Variants in SLC25A21 observed in about 807,000 individuals in gnomAD.
The protein encoded by SLC25A21 is mitochondrial 2-oxodicarboxylate carrier.
SLC25A21 carries 47 observed loss-of-function variants against 43.8 expected under a neutral mutation model. The ratio of observed to expected loss-of-function variants is 1.07; its 90% CI spans 0.85 to 1.37. The LOEUF (loss-of-function observed/expected upper bound fraction) is 1.37. Among genes scored for constraint, SLC25A21 ranks in the 40% most tolerant of loss-of-function variants. The pLI, the probability that SLC25A21 is intolerant of heterozygous loss-of-function variation, is 0.00. For synonymous variants in SLC25A21, 131 were observed against 121.3 expected (o/e 1.08, Z -0.52); for missense variants, 352 against 350.2 (o/e 1.00, Z -0.04).
intron 1 of SLC25A21, among the ~76,000 whole-genome samples, chr14:37,104,886 T>C (rs1362578134): frequency 2.0e-5 from 3 of 152,234 alleles, no homozygotes; most frequent in African/African-American, 7.2e-5. Flanking sequence ...CATTTATCTG[T>C]GATCTCTTGC....
chr14:36,936,175 A>G (rs1259887616), intron 1 of SLC25A21, among the ~76,000 whole-genome samples: 2 of 152,190 alleles, frequency 1.3e-5, no homozygotes, highest in Non-Finnish European at 2.9e-5. Flanking sequence ...CCCAAGCTGA[A>G]TCACAAACAG....
At chr14:36,954,097 A>G (rs1959261624) in intron 1 of SLC25A21, among the ~76,000 whole-genome samples, 1 of 152,186 alleles carries the variant, frequency 6.6e-6, no homozygotes, top group African/African-American at 2.4e-5. Context: ...TGATCGTCCC[A>G]TCTCTTCTAA....
At chr14:36,776,832 T>A (rs996391839) in intron 3 of SLC25A21, among the ~76,000 whole-genome samples, 2 of 152,166 alleles carry the variant, frequency 1.3e-5, no homozygotes, top group Non-Finnish European at 2.9e-5. Flanking sequence ...CACCTTCACA[T>A]CTATTTACCT....
Position 36,744,383 on chromosome 14 carries a change from ACATACCTACAAC to A in SLC25A21, c.204-9822_204-9811del, listed in dbSNP as rs775331025. 3.0e-3 allele frequency among the ~76,000 whole-genome samples: 464 copies of A among 152,280 alleles called. 1 individual carries two copies. Among genetic ancestry groups the A allele is most frequent in the Non-Finnish European group, 5.4e-3 (364 of 68,000 alleles). On this transcript the variant is annotated intron_variant, in intron 3 of 9. Coordinates refer to ENST00000331299, the MANE Select transcript of SLC25A21 (RefSeq NM_030631.4). ...GAATAGAGAACTTAGAAATAAAGCC[ACATACCTACAAC>A]CAACTGATCTTTGACAAAGTTGACA...
intron 3 of SLC25A21, among the ~76,000 whole-genome samples, chr14:36,750,367 G>A (rs1885660722): frequency 6.6e-6 from 1 of 152,086 alleles, no homozygotes; most frequent in Non-Finnish European, 1.5e-5. Context: ...GGTAATGAAG[G>A]CATTTTTACT....
intron 1 of SLC25A21, among the ~76,000 whole-genome samples, chr14:36,947,534 A>T (rs901855131): frequency 6.6e-6 from 1 of 152,152 alleles, no homozygotes; most frequent in African/African-American, 2.4e-5. Context: ...CTCCACAAAC[A>T]CAGAGCTGGT....
chr14:37,163,218 C>G (rs1206718994), intron 1 of SLC25A21, among the ~76,000 whole-genome samples: 1 of 151,602 alleles, frequency 6.6e-6, no homozygotes, highest in Non-Finnish European at 1.5e-5. Context: ...GTGCAGCGCA[C>G]CAGCATGGCA....
chr14:36,735,832 T>G (rs1284060222), intron 3 of SLC25A21, among the ~76,000 whole-genome samples: 1 of 112,646 alleles, frequency 8.9e-6, no homozygotes, highest in African/African-American at 3.7e-5. Flanking sequence ...TTTTTTTTTG[T>G]ATATAACCAG....
intron 3 of SLC25A21, chr14:36,759,843 C>T (rs1279536650): frequency 2.0e-5 from 3 of 152,318 alleles, no homozygotes; most frequent in Non-Finnish European, 4.4e-5. Context: ...TGGCGCATGC[C>T]TGTAATCCCA....
chr14:36,734,468 G>A, intron 4 of SLC25A21, 39 bp downstream of exon 4: 1 of 1,523,532 alleles, frequency 6.6e-7, no homozygotes, highest in South Asian at 1.2e-5. Context: ...CTGTTACTGT[G>A]CCCTACTTTT....
rs574804498 is a variant in SLC25A21, at chr14:36,919,569, T to C, written c.71-44565A>G. ...ATTCTATAGTACATAAACATAGATA[T>C]AGATATACATACATCAATCTAAAGA... On this transcript the variant is annotated intron_variant, in intron 1 of 9. Coordinates refer to ENST00000331299, the MANE Select transcript of SLC25A21 (RefSeq NM_030631.4). Among the ~76,000 whole-genome samples the C allele has an allele frequency of 1.5e-3, 234 of 152,104 alleles. 1 individual carries two copies. The highest frequency in any genetic ancestry group is 5.3e-3 in the African/African-American group (220 of 41,546).
chr14:37,005,905 T>G (rs910824940), intron 1 of SLC25A21, among the ~76,000 whole-genome samples: 1 of 152,218 alleles, frequency 6.6e-6, no homozygotes, highest in African/African-American at 2.4e-5. Context: ...CATTATCCAT[T>G]TGGGTAAATA....
chr14:36,961,360 T>C (rs1461644647), intron 1 of SLC25A21, among the ~76,000 whole-genome samples: 1 of 152,038 alleles, frequency 6.6e-6, no homozygotes, highest in Non-Finnish European at 1.5e-5. Context: ...TACAGGTGCC[T>C]GCCACCGCGC....
intron 3 of SLC25A21, among the ~76,000 whole-genome samples, chr14:36,810,091 T>C (rs1594607694): frequency 6.6e-6 from 1 of 152,218 alleles, no homozygotes; most frequent in East Asian, 1.9e-4. Context: ...GCTTTTTATT[T>C]TGTATTTTAA....
At chr14:36,721,408 T>G (rs10145115) in intron 6 of SLC25A21, among the ~76,000 whole-genome samples, 84,512 of 151,844 alleles carry the variant, frequency 0.56, 23,739 homozygotes, top group African/African-American at 0.66. Context: ...TCCCTCCAGG[T>G]CTTGTGCTTC....
At chr14:36,971,730 C>T (rs1238111356) in intron 1 of SLC25A21, among the ~76,000 whole-genome samples, 1 of 152,100 alleles carries the variant, frequency 6.6e-6, no homozygotes, top group Non-Finnish European at 1.5e-5. Context: ...CTTCTTGGCG[C>T]CACACACGAA....
intron 7 of SLC25A21, among the ~76,000 whole-genome samples, chr14:36,687,942 C>T (rs944155994): frequency 1.3e-5 from 2 of 152,190 alleles, no homozygotes; most frequent in Non-Finnish European, 2.9e-5. Flanking sequence ...TTCCTGGATG[C>T]GCAGAGAATA....
chr14:36,938,085 A>G (rs1892469119), intron 1 of SLC25A21, among the ~76,000 whole-genome samples: 1 of 152,152 alleles, frequency 6.6e-6, no homozygotes, highest in Admixed American at 6.6e-5. Context: ...AAAATGCTGC[A>G]AAAATGGTCT....
chr14:36,951,441 C>A (rs1211732962), intron 1 of SLC25A21, among the ~76,000 whole-genome samples: 1 of 152,140 alleles, frequency 6.6e-6, no homozygotes, highest in Non-Finnish European at 1.5e-5. Flanking sequence ...GAACTCTCTG[C>A]ATCTCAAAGC....
Sources: gnomAD v4.1 joint callset for allele counts (sites outside exome capture counted in the v4.1 genomes callset) on GRCh38, gnomAD v4.1.1 for gene constraint, MANE v1.5 for transcripts, NCBI Gene and HGNC (gene_info 2026-07-23, HGNC 2026-07-21) for gene names.